The following PABPC4L variants were observed in gnomAD, a reference collection of about 807,000 sequenced individuals.
PABPC4L encodes the protein polyadenylate-binding protein 4-like.
For synonymous variants in PABPC4L, 169 were observed against 164.1 expected, an observed-to-expected ratio of 1.03 and a Z score of -0.23; for missense variants, 452 against 451.4, an observed-to-expected ratio of 1.00 and a Z score of -0.01.
the PABPC4L span, among the ~76,000 whole-genome samples, chr4:133,976,575 C>G: frequency 6.6e-6 from 1 of 152,126 alleles, no homozygotes; most frequent in African/African-American, 2.4e-5. Context: ...ACATTCCCAC[C>G]AACAGTGTAA....
chr4:134,200,798 G>A lies in PABPC4L; in HGVS notation c.222C>T (p.Asp74=). Residue 74 remains aspartate (D), a synonymous_variant, in exon 2 of 2, where the codon GAC becomes GAT. Transcript: ENST00000421491. ...AQKALDTMNF[D]IIKGKSIRLM... is the part of the protein sequence containing the mutation. ...GACGGATGGATTTGCCTTTTATGATGTCAAAGTTCATTGTGTCCAGCGCCT... is the reference window on the plus strand; with the variant it reads ...GACGGATGGATTTGCCTTTTATGATATCAAAGTTCATTGTGTCCAGCGCCT... 6.4e-7 allele frequency: 1 copy of A among 1,552,106 alleles called. No homozygotes were observed.
At chr4:134,026,983 T>A in the PABPC4L span, among the ~76,000 whole-genome samples, 5 of 152,122 alleles carry the variant, frequency 3.3e-5, no homozygotes, top group Admixed American at 6.6e-5. Flanking sequence ...AAAAAAAAAA[T>A]TTACGTTTTC....
the PABPC4L span, among the ~76,000 whole-genome samples, chr4:134,085,807 G>C: frequency 6.6e-6 from 1 of 151,982 alleles, no homozygotes; most frequent in African/African-American, 2.4e-5. Context: ...TTCTACTTTT[G>C]ATATGCATAT....
the PABPC4L span, among the ~76,000 whole-genome samples, chr4:134,084,854 T>A: frequency 2.0e-5 from 3 of 151,874 alleles, no homozygotes; most frequent in African/African-American, 7.3e-5. Context: ...CAGAATCTCA[T>A]CACAAGACAG....
the PABPC4L span, among the ~76,000 whole-genome samples, chr4:134,085,067 G>A: frequency 4.6e-5 from 7 of 151,990 alleles, no homozygotes; most frequent in East Asian, 1.2e-3. Flanking sequence ...ATTTCCTGAG[G>A]CTCCACCCGC....
the PABPC4L span, among the ~76,000 whole-genome samples, chr4:134,121,221 AAATTAT>A: frequency 1.3e-5 from 2 of 151,312 alleles, no homozygotes; most frequent in African/African-American, 4.8e-5. Context: ...AAAAATATAT[AAATTAT>A]AATTATTTTG....
the PABPC4L span, among the ~76,000 whole-genome samples, chr4:134,137,198 A>G: frequency 6.6e-6 from 1 of 152,026 alleles, no homozygotes; most frequent in Non-Finnish European, 1.5e-5. Context: ...GTATACAGAC[A>G]TATTTGCATA....
At chr4:134,010,534 C>A in the PABPC4L span, 1 of 152,066 alleles carries the variant, frequency 6.6e-6, no homozygotes, top group Non-Finnish European at 1.5e-5. Context: ...CTTATTTCTC[C>A]CTTTCATAAT....
At chr4:134,189,332 C>G in the PABPC4L span, among the ~76,000 whole-genome samples, 157 of 151,798 alleles carry the variant, frequency 1.0e-3, no homozygotes, top group Non-Finnish European at 1.6e-3. Context: ...TGCATTTTGC[C>G]ATTTAGTATA....
Position 134,199,856 on chromosome 4 carries a change from T to A in PABPC4L, c.*51A>T. On this transcript the variant is annotated 3_prime_UTR_variant, in exon 2 of 2. Coordinates refer to ENST00000421491, the MANE Select transcript of PABPC4L (RefSeq NM_001114734.2). ...AGGTCAATTCAGGCAGAGATCACTA[T>A]CATTCTCCCACCTGCTGCAGATACT... 6.5e-7 allele frequency: 1 copy of A among 1,536,810 alleles called. No individual in the cohort carries two copies. Among genetic ancestry groups the A allele is most frequent in the Non-Finnish European group, 8.8e-7 (1 of 1,142,090 alleles).
At chr4:134,115,039 C>T in the PABPC4L span, among the ~76,000 whole-genome samples, 3 of 151,918 alleles carry the variant, frequency 2.0e-5, no homozygotes, top group South Asian at 2.1e-4. Flanking sequence ...TCTGCTTCAA[C>T]ATTTCTCATT....
chr4:134,018,331 A>G, the PABPC4L span, among the ~76,000 whole-genome samples: 1 of 152,078 alleles, frequency 6.6e-6, no homozygotes, highest in Non-Finnish European at 1.5e-5. Context: ...TAAAAGCTTT[A>G]TTGCTCACAC....
chr4:134,118,178 G>C, the PABPC4L span, among the ~76,000 whole-genome samples: 5 of 151,938 alleles, frequency 3.3e-5, no homozygotes, highest in Admixed American at 3.3e-4. Flanking sequence ...GTACCCATGA[G>C]AGAGTGACAG....
the PABPC4L span, among the ~76,000 whole-genome samples, chr4:134,179,957 T>C: frequency 6.6e-6 from 1 of 152,052 alleles, no homozygotes; most frequent in African/African-American, 2.4e-5. Context: ...AACACATTAT[T>C]GACAGGATTA....
the PABPC4L span, among the ~76,000 whole-genome samples, chr4:134,013,678 C>T: frequency 2.0e-5 from 3 of 152,212 alleles, no homozygotes; most frequent in East Asian, 5.8e-4. Context: ...TTCTTTTACA[C>T]ATCGGTCCCT....
the PABPC4L span, among the ~76,000 whole-genome samples, chr4:134,113,320 A>T: frequency 3.9e-5 from 6 of 151,930 alleles, no homozygotes; most frequent in Non-Finnish European, 7.4e-5. Context: ...CACCAGAGAA[A>T]CTTTCCATCC....
the PABPC4L span, among the ~76,000 whole-genome samples, chr4:134,079,606 A>C: frequency 8.9e-6 from 1 of 111,882 alleles, no homozygotes; most frequent in East Asian, 3.5e-4. Context: ...AAAAAAAAAA[A>C]AAAAACTGTG....
the PABPC4L span, among the ~76,000 whole-genome samples, chr4:134,186,655 C>T: frequency 2.6e-5 from 4 of 152,200 alleles, no homozygotes; most frequent in East Asian, 7.7e-4. Flanking sequence ...GACTAAAACA[C>T]CAAAAGCAAT....
At chr4:134,149,284 G>T in the PABPC4L span, among the ~76,000 whole-genome samples, 2 of 152,112 alleles carry the variant, frequency 1.3e-5, no homozygotes, top group Non-Finnish European at 2.9e-5. Context: ...AATTCAAGAA[G>T]ATTGCAATAA....
Sources: allele counts gnomAD v4.1 joint callset (sites outside exome capture counted in the v4.1 genomes callset), GRCh38; gene constraint gnomAD v4.1.1; transcripts MANE v1.5; gene names NCBI Gene and HGNC (gene_info 2026-07-23, HGNC 2026-07-21).